The following IKZF1 variants were observed in gnomAD, a reference collection of about 807,000 sequenced individuals.
IKZF1 encodes IKAROS family zinc finger 1.
In IKZF1, 10 loss-of-function variants were observed where a neutral mutation model predicts 51.7. The ratio of observed to expected loss-of-function variants is 0.19; its 90% CI spans 0.12 to 0.33. IKZF1 has a LOEUF of 0.33. IKZF1 is among the 10% of genes least tolerant of loss of function. IKZF1 has a pLI of 1.00. For missense variants in IKZF1, 484 were observed against 707.5 expected, an observed-to-expected ratio of 0.68 and a Z score of 3.58; for synonymous variants, 280 against 282.3, an observed-to-expected ratio of 0.99 and a Z score of 0.08.
At position 50,358,398 on chromosome 7, in the gene IKZF1, C is replaced by T. The variant is rs775610097; in HGVS notation, c.161-18135C>T. Among the ~76,000 whole-genome samples, 40 of 152,322 alleles carry T rather than the reference C, an allele frequency of 2.6e-4. 1 individual carries two copies. The highest frequency in any genetic ancestry group is 6.8e-3 in the Middle Eastern group (2 of 294). The stretch of plus-strand genomic sequence containing the variant: ...AGGTGTGTGAGTAGTGGGCCAATCT[C>T]GCGTGAAGGCTGTGGGACGGGGCAG... On this transcript the variant is annotated intron_variant, in intron 3 of 7. Transcript: ENST00000331340.
At chr7:50,362,871 A>G (rs1307507515) in intron 3 of IKZF1, among the ~76,000 whole-genome samples, 1 of 152,174 alleles carries the variant, frequency 6.6e-6, no homozygotes, top group Non-Finnish European at 1.5e-5. Context: ...TGATGCAAGC[A>G]AACAAACTCA....
intron 3 of IKZF1, among the ~76,000 whole-genome samples, chr7:50,366,575 C>A (rs755397803): frequency 5.3e-5 from 8 of 152,194 alleles, no homozygotes; most frequent in Non-Finnish European, 1.0e-4. Context: ...GAAGTTAATT[C>A]TCAAGGCAAG....
At chr7:50,313,625 C>T (rs897822095) in intron 1 of IKZF1, among the ~76,000 whole-genome samples, 7 of 152,202 alleles carry the variant, frequency 4.6e-5, no homozygotes, top group East Asian at 1.9e-4. Context: ...TCAGACTGCA[C>T]GGGTTCAAGT....
At chr7:50,361,069 C>T (rs1270270808) in intron 3 of IKZF1, among the ~76,000 whole-genome samples, 18 of 152,210 alleles carry the variant, frequency 1.2e-4, no homozygotes, top group South Asian at 4.1e-4. Flanking sequence ...GAGGACCTCA[C>T]ACTCTTCACC....
intron 3 of IKZF1, among the ~76,000 whole-genome samples, chr7:50,334,719 T>C (rs1318108429): frequency 6.6e-6 from 1 of 151,632 alleles, no homozygotes; most frequent in Non-Finnish European, 1.5e-5. Flanking sequence ...GTATGGGATG[T>C]GTGGTGTGCA....
intron 1 of IKZF1, among the ~76,000 whole-genome samples, chr7:50,315,629 T>C (rs1359625290): frequency 6.6e-6 from 1 of 152,260 alleles, no homozygotes; most frequent in Non-Finnish European, 1.5e-5. Context: ...TGAAATTGTT[T>C]GGGTTTCCCA....
At chr7:50,338,722 G>T (rs1267379245) in intron 3 of IKZF1, among the ~76,000 whole-genome samples, 2 of 152,234 alleles carry the variant, frequency 1.3e-5, no homozygotes, top group Non-Finnish European at 2.9e-5. Flanking sequence ...GAAAGCTCTT[G>T]CTCTGGGGGA....
chr7:50,366,746 G>A (rs1467773713), intron 3 of IKZF1, among the ~76,000 whole-genome samples: 3 of 151,982 alleles, frequency 2.0e-5, no homozygotes, highest in East Asian at 3.9e-4. Flanking sequence ...TCCCATTATC[G>A]AGATGCTAGC....
intron 6 of IKZF1, among the ~76,000 whole-genome samples, chr7:50,390,362 T>G (rs1015514145): frequency 6.6e-6 from 1 of 152,238 alleles, no homozygotes; most frequent in African/African-American, 2.4e-5. Context: ...AATTGGGTTT[T>G]ATGGATTTAT....
At chr7:50,373,252 C>G (rs571631497) in intron 3 of IKZF1, among the ~76,000 whole-genome samples, 21 of 152,338 alleles carry the variant, frequency 1.4e-4, no homozygotes, top group Admixed American at 3.9e-4. Context: ...CCAATGCTTC[C>G]CTGCTGTTCT....
At chr7:50,320,201 C>T (rs995270321) in intron 2 of IKZF1, among the ~76,000 whole-genome samples, 2 of 152,122 alleles carry the variant, frequency 1.3e-5, no homozygotes, top group African/African-American at 4.8e-5. Context: ...GTGTAATTCT[C>T]ACATTTATAT....
At chr7:50,310,983 T>C (rs965560713) in intron 1 of IKZF1, among the ~76,000 whole-genome samples, 9 of 152,350 alleles carry the variant, frequency 5.9e-5, no homozygotes, top group African/African-American at 1.7e-4. Flanking sequence ...ACCTGATTTT[T>C]GAATCAAATT....
intron 1 of IKZF1, among the ~76,000 whole-genome samples, chr7:50,315,235 ACAAAGGGAGACG>A (rs2153352069): frequency 6.6e-6 from 1 of 152,346 alleles, no homozygotes; most frequent in African/African-American, 2.4e-5. Flanking sequence ...ACAGTCTCAG[ACAAAGGGAGACG>A]GAGGGAGGGA....
chr7:50,351,865 C>G (rs1218915251), intron 3 of IKZF1, among the ~76,000 whole-genome samples: 2 of 152,094 alleles, frequency 1.3e-5, no homozygotes, highest in East Asian at 1.9e-4. Flanking sequence ...ACAATTCCCC[C>G]CCGCCCCCAT....
chr7:50,382,039 A>G (rs1811989179), intron 4 of IKZF1, among the ~76,000 whole-genome samples: 1 of 152,260 alleles, frequency 6.6e-6, no homozygotes, highest in Non-Finnish European at 1.5e-5. Context: ...TATAACTGTT[A>G]TAATGAAGTG....
At position 50,402,795 on chromosome 7, in the gene IKZF1, G is replaced by A. The variant is rs915241937; in HGVS notation, c.*2168G>A. On this transcript the variant is annotated 3_prime_UTR_variant, in exon 8 of 8. Coordinates refer to ENST00000331340, the MANE Select transcript of IKZF1 (RefSeq NM_006060.6). The stretch of plus-strand genomic sequence containing the variant: ...ACAGAAGGGTGTGGCATTTGGAAAC[G>A]GGAATAAACAAAATTGCTGCACCAA... 6.1e-5 allele frequency: 14 copies of A among 230,024 alleles called. No individual in the cohort carries two copies. Among genetic ancestry groups the A allele is most frequent in the East Asian group, 3.1e-4 (5 of 16,292 alleles). The allele number at this position is 230,024 out of a possible 1,614,324, so 14.2% of individuals were successfully genotyped here.
chr7:50,309,644 T>C (rs1789678893), intron 1 of IKZF1, among the ~76,000 whole-genome samples: 1 of 152,352 alleles, frequency 6.6e-6, no homozygotes, highest in Non-Finnish European at 1.5e-5. Context: ...TTTGAAACTA[T>C]TTGAAAATGA....
intron 3 of IKZF1, among the ~76,000 whole-genome samples, chr7:50,374,896 T>C (rs542688036): frequency 1.6e-4 from 24 of 152,228 alleles, no homozygotes; most frequent in East Asian, 7.7e-4. Context: ...TAAAATAAGC[T>C]TGGAGTGCTG....
At chr7:50,327,461 G>C in intron 2 of IKZF1, 177 bp from the exon 3 acceptor site, 1 of 595,786 alleles carries the variant, frequency 1.7e-6, no homozygotes, top group Non-Finnish European at 2.8e-6. Context: ...CATTTGTATT[G>C]TGTGGGGAGA....
Sources: gnomAD v4.1 joint callset for allele counts (sites outside exome capture counted in the v4.1 genomes callset) on GRCh38, gnomAD v4.1.1 for gene constraint, MANE v1.5 for transcripts, NCBI Gene and HGNC (gene_info 2026-07-23, HGNC 2026-07-21) for gene names.